The following ARL17A variants were observed in gnomAD, a reference collection of about 807,000 sequenced individuals.
ARL17A encodes ARF like GTPase 17A.
At chr17:46,532,204 A>G (rs1598388224) in intron 4 of ARL17A, among the ~76,000 whole-genome samples, 2 of 148,736 alleles carry the variant, frequency 1.3e-5, no homozygotes, top group East Asian at 4.0e-4. Flanking sequence ...CAGCCAATAA[A>G]TGAAAACTTT....
At chr17:46,548,103 A>T, downstream of ARL17A, 3 of 133,576 alleles carry the variant, frequency 2.2e-5, 1 homozygote, top group Admixed American at 4.3e-4. Flanking sequence ...GGAATGTTCC[A>T]AGTAGGTGGC....
At chr17:46,558,941 G>A (rs1426181480) in intron 3 of ARL17A, 4 of 102,956 alleles carry the variant, frequency 3.9e-5, no homozygotes, top group African/African-American at 4.4e-5. Flanking sequence ...GTCTCTCAAC[G>A]TACTGGGATT....
chr17:46,528,798 G>T (rs201779348), exon 5 of ARL17A: 86,287 of 560,526 alleles, frequency 0.15, 495 homozygotes, highest in Non-Finnish European at 0.19. Flanking sequence ...AAGCATTTAC[G>T]TGATGCAGTC....
intron 3 of ARL17A, among the ~76,000 whole-genome samples, chr17:46,568,764 C>A: frequency 1.1e-5 from 1 of 91,424 alleles, no homozygotes; most frequent in African/African-American, 4.9e-5. Flanking sequence ...AAGATTGTGC[C>A]ACTGCACGAG....
chr17:46,530,374 C>T (rs1468128554), intron 4 of ARL17A, among the ~76,000 whole-genome samples: 1 of 144,058 alleles, frequency 6.9e-6, no homozygotes, highest in Non-Finnish European at 1.5e-5. Context: ...CACTCACATT[C>T]TTTCTCTTTG....
rs1400477812 is a variant in ARL17A at position 46,557,966 on chromosome 17, G to A, written c.260-336C>T. Reference sequence around the variant, plus strand: ...GTTTTCACTGGAATGAAAGCTGAGCGGTCTGCAGGCCATATAGTATTGGAG... The same window carrying A: ...GTTTTCACTGGAATGAAAGCTGAGCAGTCTGCAGGCCATATAGTATTGGAG... On this transcript the variant is annotated intron_variant, in intron 3 of 3. Coordinates refer to ENST00000336125, the MANE Select transcript of ARL17A (RefSeq NM_001113738.2). Among the ~76,000 whole-genome samples, 13 of 129,992 alleles carry A rather than the reference G, an allele frequency of 1.0e-4. 1 individual carries two copies. The highest frequency in any genetic ancestry group is 4.7e-4 in the Admixed American group (6 of 12,730). The allele number at this position is 129,992 out of a possible 152,430, so 85.3% of individuals were successfully genotyped here.
chr17:46,558,060 TTG>T (rs2057378528), intron 3 of ARL17A, among the ~76,000 whole-genome samples: 1 of 138,706 alleles, frequency 7.2e-6, no homozygotes, highest in African/African-American at 2.7e-5. Flanking sequence ...GGAGTTTTGT[TTG>T]TTTTTTTTTC....
downstream of ARL17A, among the ~76,000 whole-genome samples, chr17:46,527,185 AAG>A (rs999633288): frequency 2.7e-5 from 2 of 73,128 alleles, no homozygotes; most frequent in Non-Finnish European, 3.8e-5. Context: ...TGTAAGCACT[AAG>A]AGAGAATAAG....
chr17:46,542,291 T>TATGTCTTCTCCC (rs2055473563), intron 3 of ARL17A, among the ~76,000 whole-genome samples: 1 of 147,830 alleles, frequency 6.8e-6, no homozygotes. Context: ...GATTTTCTCC[T>TATGTCTTCTCCC]ATGTCTTCTC....
downstream of ARL17A, among the ~76,000 whole-genome samples, chr17:46,527,925 TA>T (rs1410178816): frequency 9.5e-6 from 1 of 105,816 alleles, no homozygotes; most frequent in Non-Finnish European, 2.1e-5. Context: ...ACACGGCTAA[TA>T]AGTGGCAGAA....
chr17:46,542,581 G>C (rs2055570548), intron 3 of ARL17A, among the ~76,000 whole-genome samples: 1 of 149,662 alleles, frequency 6.7e-6, no homozygotes, highest in African/African-American at 2.5e-5. Flanking sequence ...TGTAGTCCCA[G>C]CTACTAGGGA....
chr17:46,530,127 A>C (rs1191791609), intron 4 of ARL17A, among the ~76,000 whole-genome samples: 4 of 138,204 alleles, frequency 2.9e-5, no homozygotes, highest in Admixed American at 7.7e-5. Context: ...CCTGGGCTCA[A>C]GCTTTCCTTC....
chr17:46,500,486 CA>C, the ARL17A span, among the ~76,000 whole-genome samples: 1 of 149,550 alleles, frequency 6.7e-6, no homozygotes, highest in Non-Finnish European at 1.5e-5. Flanking sequence ...AACAATTTAC[CA>C]GATGATTTTT....
intron 3 of ARL17A, among the ~76,000 whole-genome samples, chr17:46,543,412 T>C (rs1010740490): frequency 6.6e-6 from 1 of 151,026 alleles, no homozygotes; most frequent in African/African-American, 2.5e-5. Flanking sequence ...AAGAATCATG[T>C]ACTAAGTGTA....
the ARL17A span, among the ~76,000 whole-genome samples, chr17:46,503,062 A>G: frequency 6.6e-6 from 1 of 150,688 alleles, no homozygotes; most frequent in Non-Finnish European, 1.5e-5. Flanking sequence ...AATACAGAAA[A>G]TTAGCCGGCA....
chr17:46,569,349 TTA>T (rs369186347), intron 3 of ARL17A, among the ~76,000 whole-genome samples: 35 of 147,004 alleles, frequency 2.4e-4, no homozygotes, highest in African/African-American at 3.1e-4. Flanking sequence ...CATGAAGATT[TTA>T]TATATATATA....
At chr17:46,543,532 A>G (rs2055794997) in intron 3 of ARL17A, among the ~76,000 whole-genome samples, 1 of 150,956 alleles carries the variant, frequency 6.6e-6, no homozygotes, top group Non-Finnish European at 1.5e-5. Context: ...ATGAAGTTCC[A>G]TTGAGTGATG....
intron 3 of ARL17A, among the ~76,000 whole-genome samples, chr17:46,569,003 C>T (rs1310437237): frequency 3.5e-5 from 4 of 114,896 alleles, no homozygotes; most frequent in Non-Finnish European, 5.1e-5. Context: ...GGTGCAATGG[C>T]GCAATCTCGG....
chr17:46,569,320 T>C (rs1381847403), intron 3 of ARL17A, among the ~76,000 whole-genome samples: 2 of 149,810 alleles, frequency 1.3e-5, no homozygotes, highest in Non-Finnish European at 3.0e-5. Context: ...TATTATTAAT[T>C]TTGGAGATGT....
Sources: gnomAD v4.1 joint callset for allele counts (sites outside exome capture counted in the v4.1 genomes callset) on GRCh38, gnomAD v4.1.1 for gene constraint, MANE v1.5 for transcripts, NCBI Gene and HGNC (gene_info 2026-07-23, HGNC 2026-07-21) for gene names.